RSBN1L: variants seen among roughly 807,000 people sequenced by gnomAD.
RSBN1L encodes the protein lysine-specific demethylase RSBN1L.
A neutral mutation model predicts 67.7 loss-of-function variants in RSBN1L; 30 were observed. The observed-to-expected ratio is 0.44, with a 90% CI of 0.33 to 0.60. The LOEUF (loss-of-function observed/expected upper bound fraction) is 0.60, where lower values mean the gene tolerates loss of function less well. Among genes scored for constraint, RSBN1L ranks in the 20% least tolerant of loss-of-function variants. The pLI is 0.02. For synonymous variants in RSBN1L, 433 were observed against 387.0 expected (o/e 1.12, Z -1.39); for missense variants, 992 against 1,031.7 (o/e 0.96, Z 0.53).
In RSBN1L at chr7:77,696,751, T is replaced by C; in HGVS notation, c.282T>C (p.Ala94=). The C allele has an allele frequency of 6.2e-7, 1 of 1,613,676 alleles. No individual in the cohort carries two copies. Among genetic ancestry groups the C allele is most frequent in the East Asian group, 2.2e-5 (1 of 44,866 alleles). Residue 94 remains alanine, a synonymous_variant, in exon 1 of 8, where the codon GCT becomes GCC. Transcript: ENST00000334955. The part of the protein sequence containing the change: ...ASWSFAPLSA[A]PSPSSSRSSF... The stretch of plus-strand genomic sequence containing the variant: ...GGAGCTTTGCCCCTCTGTCTGCTGC[T>C]CCCTCCCCGTCCTCTTCTCGGAGCA...
rs71529102 is a variant in RSBN1L at position 77,703,477 on chromosome 7, G to GTTTTTTT, written c.586+6446_586+6452dup. 1.0e-3 allele frequency among the ~76,000 whole-genome samples: 64 copies of GTTTTTTT among 61,604 alleles called. 6 individuals are homozygous for GTTTTTTT. Among genetic ancestry groups the GTTTTTTT allele is most frequent in the African/African-American group, 2.0e-3 (30 of 14,732 alleles). 40.4% of individuals were successfully genotyped at this position (61,604 alleles called of 152,430 possible). The stretch of plus-strand genomic sequence containing the variant: ...GTGTCTCTTTTTTCCTACTGTTTGG[G>GTTTTTTT]TTTTTTTTTTTTTTTTTTTTTTTTT... On this transcript the variant is annotated intron_variant, in intron 1 of 7. Coordinates refer to ENST00000334955, the MANE Select transcript of RSBN1L (RefSeq NM_198467.3).
intron 3 of RSBN1L, among the ~76,000 whole-genome samples, chr7:77,764,435 A>G (rs1435286760): frequency 6.6e-6 from 1 of 152,132 alleles, no homozygotes. Flanking sequence ...TGGCTCTTTG[A>G]ATGCCACCCA....
chr7:77,728,524 G>A (rs905602096), intron 1 of RSBN1L, among the ~76,000 whole-genome samples: 2 of 152,188 alleles, frequency 1.3e-5, no homozygotes, highest in Non-Finnish European at 2.9e-5. Context: ...AAGACCCGTG[G>A]AGCTTGCCTC....
chr7:77,779,286 A>G lies in RSBN1L; in HGVS notation c.*118A>G. On this transcript the variant is annotated 3_prime_UTR_variant, in exon 8 of 8. Coordinates refer to ENST00000334955, the MANE Select transcript of RSBN1L (RefSeq NM_198467.3). Reference sequence around the variant, plus strand: ...GTCTGTTACAAAACATAGTTTATGTAGCTTTGTAACATTCCTCAGTGCCTG... The same window carrying G: ...GTCTGTTACAAAACATAGTTTATGTGGCTTTGTAACATTCCTCAGTGCCTG... 4.0e-6 allele frequency: 3 copies of G among 742,528 alleles called. No homozygotes were observed. Among genetic ancestry groups the G allele is most frequent in the Non-Finnish European group, 6.6e-6 (3 of 457,610 alleles). The allele number at this position is 742,528 out of a possible 1,614,324, so 46.0% of individuals were successfully genotyped here.
intron 2 of RSBN1L, 34 bp downstream of exon 2, chr7:77,736,560 A>G: frequency 3.3e-6 from 4 of 1,206,268 alleles, no homozygotes; most frequent in Non-Finnish European, 4.5e-6. Context: ...GTTCTACTTT[A>G]TTATACTGTT....
chr7:77,749,589 A>G lies in RSBN1L; in HGVS notation c.869A>G (p.Gln290Arg). ...CSGLLTDVED[Q>R]AAKGILNDNI... ...GGATTGCTAACTGATGTTGAAGATC[A>G]AGCAGCCAAAGGCATCCTAAATGAT... is the stretch of plus-strand genomic sequence containing the variant. Residue 290 changes from glutamine (Q) to arginine (R), a missense_variant, in exon 3 of 8, where the codon CAA becomes CGA. Gln to Arg is a conservative substitution (Grantham distance 43). Around this residue, in one of 7 missense-constraint regions of RSBN1L, gnomAD observed 575 missense variants for 483.2 expected, o/e 1.19. Coordinates refer to ENST00000334955, the MANE Select transcript of RSBN1L (RefSeq NM_198467.3). 1.2e-6 allele frequency: 2 copies of G among 1,613,986 alleles called. No homozygotes were observed. The highest frequency in any genetic ancestry group is 8.5e-7 in the Non-Finnish European group (1 of 1,179,990).
At chr7:77,769,393 T>C (rs1791815393) in intron 5 of RSBN1L, among the ~76,000 whole-genome samples, 1 of 152,162 alleles carries the variant, frequency 6.6e-6, no homozygotes, top group Admixed American at 6.5e-5. Flanking sequence ...ATATATGAGA[T>C]AGGTGGGAAG....
chr7:77,743,237 A>G (rs892411133), intron 2 of RSBN1L, among the ~76,000 whole-genome samples: 2 of 152,030 alleles, frequency 1.3e-5, no homozygotes, highest in African/African-American at 4.8e-5. Flanking sequence ...TATTTTTTGT[A>G]GAGACAGTGT....
chr7:77,712,581 A>G (rs779915933), intron 1 of RSBN1L, among the ~76,000 whole-genome samples: 2 of 152,154 alleles, frequency 1.3e-5, no homozygotes, highest in Non-Finnish European at 2.9e-5. Flanking sequence ...GCCTGGCCAC[A>G]TATGTGATTT....
chr7:77,779,736 T>C lies in RSBN1L; in HGVS notation c.*568T>C, dbSNP rs1791971790. Reference sequence around the variant, plus strand: ...ATTTGATAATGATTCTCTGCTGGTATATCTATTTAGTGTGGTATTGTAGTG... The same window carrying C: ...ATTTGATAATGATTCTCTGCTGGTACATCTATTTAGTGTGGTATTGTAGTG... On this transcript the variant is annotated 3_prime_UTR_variant, in exon 8 of 8. Coordinates refer to ENST00000334955, the MANE Select transcript of RSBN1L (RefSeq NM_198467.3). 6.6e-6 allele frequency: 1 copy of C among 152,112 alleles called. No individual in the cohort carries two copies. Among genetic ancestry groups the C allele is most frequent in the African/African-American group, 2.4e-5 (1 of 41,404 alleles). The allele number at this position is 152,112 out of a possible 1,614,324, so 9.4% of individuals were successfully genotyped here.
intron 1 of RSBN1L, among the ~76,000 whole-genome samples, chr7:77,699,789 A>T (rs1248708919): frequency 6.6e-6 from 1 of 151,576 alleles, no homozygotes; most frequent in Non-Finnish European, 1.5e-5. Context: ...AGTGCAAAAC[A>T]GTTTAGATTT....
At chr7:77,735,192 C>G (rs1791318013) in intron 1 of RSBN1L, among the ~76,000 whole-genome samples, 1 of 152,060 alleles carries the variant, frequency 6.6e-6, no homozygotes, top group Non-Finnish European at 1.5e-5. Flanking sequence ...TTTAAGTAGT[C>G]TAGACCTGTG....
intron 2 of RSBN1L, among the ~76,000 whole-genome samples, chr7:77,741,199 C>A (rs551530097): frequency 6.6e-6 from 1 of 151,430 alleles, no homozygotes; most frequent in Non-Finnish European, 1.5e-5. Flanking sequence ...GTTGGCCAGG[C>A]TGGTCTCGAA....
intron 6 of RSBN1L, among the ~76,000 whole-genome samples, chr7:77,775,028 A>G (rs1340918433): frequency 6.6e-6 from 1 of 152,046 alleles, no homozygotes; most frequent in Non-Finnish European, 1.5e-5. Context: ...CATCCAGTGA[A>G]TATTTATTTA....
intron 1 of RSBN1L, among the ~76,000 whole-genome samples, chr7:77,710,571 G>A (rs1056190911): frequency 1.3e-5 from 2 of 151,906 alleles, no homozygotes; most frequent in African/African-American, 4.8e-5. Context: ...CTCTTATCCT[G>A]ACTTTCTTTG....
intron 1 of RSBN1L, among the ~76,000 whole-genome samples, chr7:77,719,773 A>AT (rs1039142496): frequency 1.3e-5 from 2 of 151,956 alleles, no homozygotes; most frequent in Non-Finnish European, 1.5e-5. Flanking sequence ...ATTTAAAAAA[A>AT]TTTTTTTTAG....
intron 6 of RSBN1L, among the ~76,000 whole-genome samples, chr7:77,776,998 C>T (rs1490446180): frequency 6.6e-6 from 1 of 150,544 alleles, no homozygotes; most frequent in Non-Finnish European, 1.5e-5. Flanking sequence ...CTTTTCTTGT[C>T]ATTTTTAAGC....
Position 77,779,082 on chromosome 7 carries a change from C to T in RSBN1L, c.2455C>T (p.Pro819Ser), listed in dbSNP as rs748087745. Reference protein sequence around the residue: ...SNKDLKEELCPGNLSLVDTRQ... With the variant: ...SNKDLKEELCSGNLSLVDTRQ... ...CAAAGATTTAAAGGAAGAATTGTGC[C>T]CTGGAAATCTAAGTCTAGTTGATAC... The change falls in exon 8 of 8, where the codon CCT (proline) becomes TCT (serine). Residue 819 changes from proline to serine, a missense_variant. By Grantham distance (74) the Pro-to-Ser change is moderately conservative. This residue lies in a region of RSBN1L where 199 missense variants were observed against 167.7 expected (regional missense o/e 1.19). Transcript: ENST00000334955. 26 of 1,613,000 alleles carry T rather than the reference C, an allele frequency of 1.6e-5. No individual in the cohort carries two copies. In the East Asian group the frequency reaches 5.8e-4, roughly 36 times the overall value.
chr7:77,771,415 C>T (rs1791848274), intron 5 of RSBN1L, among the ~76,000 whole-genome samples: 1 of 151,950 alleles, frequency 6.6e-6, no homozygotes, highest in South Asian at 2.1e-4. Context: ...AGCACCTAAA[C>T]ACAGTGTCTG....
Sources: gnomAD v4.1 joint callset for allele counts (sites outside exome capture counted in the v4.1 genomes callset) on GRCh38, gnomAD v4.1.1 for gene constraint, gnomAD v4.1.1 regional missense constraint, MANE v1.5 for transcripts, NCBI Gene and HGNC (gene_info 2026-07-23, HGNC 2026-07-21) for gene names.